The following OTOG variants were observed in gnomAD, a reference collection of about 807,000 sequenced individuals.
OTOG encodes otogelin.
A neutral mutation model predicts 313.8 loss-of-function variants in OTOG; 296 were observed. The observed-to-expected ratio is 0.94, with a 90% CI of 0.86 to 1.04. The LOEUF is 1.04. Among genes scored for constraint, OTOG ranks in the 50% least tolerant of loss-of-function variants. OTOG has a pLI of 0.00. For missense variants in OTOG, 3,948 were observed against 3,840.1 expected (o/e 1.03, Z -0.74); for synonymous variants, 1,533 against 1,554.9 (o/e 0.99, Z 0.33).
chr11:17,602,335 A>C lies in OTOG; in HGVS notation c.3835A>C (p.Ser1279Arg). 6.4e-7 allele frequency: 1 copy of C among 1,550,536 alleles called. No individual in the cohort carries two copies. Among genetic ancestry groups the C allele is most frequent in the Non-Finnish European group, 8.7e-7 (1 of 1,146,958 alleles). Residue 1279 changes from serine to arginine, a missense_variant, in exon 32 of 56, where the codon AGC becomes CGC. Physicochemically the swap from Ser to Arg is moderately radical, Grantham distance 110. Transcript: ENST00000399397. ...TEDVAPADIVSFLLTAALYKA... is the reference protein window; with the variant it reads ...TEDVAPADIVRFLLTAALYKA... ...GGATGTGGCGCCAGCAGACATTGTG[A>C]GCTTCCTGCTGACAGCTGCTCTGTA...
chr11:17,628,416 T>G (rs537499324), intron 39 of OTOG, among the ~76,000 whole-genome samples: 1 of 152,330 alleles, frequency 6.6e-6, no homozygotes, highest in African/African-American at 2.4e-5. Flanking sequence ...TATATTCCAT[T>G]TTTTTCAGTG....
chr11:17,586,130 T>G (rs746859141), intron 23 of OTOG, among the ~76,000 whole-genome samples: 1 of 151,864 alleles, frequency 6.6e-6, no homozygotes, highest in Non-Finnish European at 1.5e-5. Context: ...GGTAGGAGGG[T>G]CATCGCCCAT....
At chr11:17,644,578 A>G (rs940644767) in intron 54 of OTOG, among the ~76,000 whole-genome samples, 3 of 152,216 alleles carry the variant, frequency 2.0e-5, no homozygotes, top group African/African-American at 7.2e-5. Context: ...AAAAATATAT[A>G]CCAGGATGGA....
At chr11:17,554,972 G>T in intron 6 of OTOG, among the ~76,000 whole-genome samples, 1 of 152,186 alleles carries the variant, frequency 6.6e-6, no homozygotes, top group East Asian at 1.9e-4. Flanking sequence ...GGTCACAAAA[G>T]CTTGAAAACC....
rs1203478771 is a variant in OTOG, at chr11:17,560,720, G to C, written c.1354G>C (p.Glu452Gln). ...GCYCPNGLIF[E>Q]DGGCVAPAEC... ...TGCTGTCACTCTAGGGCTCATCTTC[G>C]AGGATGGGGGCTGCGTGGCACCAGC... The change falls in exon 13 of 56, where the codon GAG becomes CAG. Residue 452 changes from glutamate (E) to glutamine (Q), a missense_variant. By Grantham distance (29) the Glu-to-Gln change is conservative. Transcript: ENST00000399397. 5 of 1,550,522 alleles carry C rather than the reference G, an allele frequency of 3.2e-6. No individual in the cohort carries two copies. The highest frequency in any genetic ancestry group is 4.4e-6 in the Non-Finnish European group (5 of 1,146,912).
rs572714458 is a variant in OTOG at position 17,559,788 on chromosome 11, G to A, written c.1342+126G>A. ...GAAGGAAAGGAGGGAGGGAGGGAGG[G>A]AGGAAGGAAAAAAAGAAGGAAAGAA... On this transcript the variant is annotated intron_variant, in intron 12 of 55. Coordinates refer to ENST00000399397, the MANE Select transcript of OTOG (RefSeq NM_001292063.2). The A allele has an allele frequency of 5.3e-5, 14 of 262,734 alleles. 2 individuals are homozygous for A. Among genetic ancestry groups the A allele is most frequent in the East Asian group, 1.3e-4 (1 of 7,958 alleles). The allele number at this position is 262,734 out of a possible 1,614,324, so 16.3% of individuals were successfully genotyped here.
Position 17,609,974 on chromosome 11 carries a change from C to T in OTOG, c.4674C>T (p.Leu1558=). The T allele has an allele frequency of 6.5e-7, 1 of 1,543,146 alleles. No individual in the cohort carries two copies. The highest frequency in any genetic ancestry group is 8.8e-7 in the Non-Finnish European group (1 of 1,142,328). The change falls in exon 36 of 56, where the codon CTC becomes CTT. Residue 1558 remains leucine (L), a synonymous_variant. Coordinates refer to ENST00000399397, the MANE Select transcript of OTOG (RefSeq NM_001292063.2). ...CCAGCAAGGGAGTGACTGCCAGCCT[C>T]CTGGCCATCCCCCATACACCAGAGT... ...SPASKGVTAS[L]LAIPHTPESS...
At position 17,610,545 on chromosome 11, in the gene OTOG, C is replaced by A. The variant is rs917593759; in HGVS notation, c.5245C>A (p.Pro1749Thr). 1.3e-6 allele frequency: 2 copies of A among 1,550,472 alleles called. No individual in the cohort carries two copies. The highest frequency in any genetic ancestry group is 1.4e-5 in the African/African-American group (1 of 73,022). ...ACAGCCACACCCACTCCCCTCTGCA[C>A]CACCCCGCCCAGCCCAGCATACCAC... ...SPQPHPLPSA[P>T]PRPAQHTTMA... Residue 1749 changes from proline to threonine, a missense_variant, in exon 36 of 56, where the codon CCA becomes ACA. By Grantham distance (38) the Pro-to-Thr change is conservative. Transcript: ENST00000399397.
In OTOG at chr11:17,610,304, G is replaced by T; in HGVS notation, c.5004G>T (p.Leu1668=). 1 of 1,550,708 alleles carries T rather than the reference G, an allele frequency of 6.4e-7. No homozygotes were observed. The highest frequency in any genetic ancestry group is 2.0e-5 in the Admixed American group (1 of 51,000). Residue 1668 remains leucine, a synonymous_variant, in exon 36 of 56, where the codon CTG becomes CTT. Coordinates refer to ENST00000399397, the MANE Select transcript of OTOG (RefSeq NM_001292063.2). ...PTSSGSHKAV[L]TPAVTKVISR... ...CCTCGGGATCCCACAAGGCTGTGCT[G>T]ACACCTGCAGTAACTAAGGTCATAA...
Position 17,609,783 on chromosome 11 carries a change from C to A in OTOG, c.4483C>A (p.His1495Asn). The change falls in exon 36 of 56, where the codon CAC (histidine) becomes AAC (asparagine). Residue 1495 changes from histidine (H) to asparagine (N), a missense_variant. Transcript: ENST00000399397. ...LSQESPRTPT[H>N]RPALTPAAPL... ...ACAGGAAAGCCCCAGGACCCCCACCCACAGGCCAGCCCTCACCCCAGCTGC... is the reference window on the plus strand; with the variant it reads ...ACAGGAAAGCCCCAGGACCCCCACCAACAGGCCAGCCCTCACCCCAGCTGC... 2 of 1,548,716 alleles carry A rather than the reference C, an allele frequency of 1.3e-6. No homozygotes were observed. The highest frequency in any genetic ancestry group is 1.7e-6 in the Non-Finnish European group (2 of 1,146,058).
At chr11:17,553,588 C>A in intron 6 of OTOG, 69 bp downstream of exon 6, 1 of 1,292,902 alleles carries the variant, frequency 7.7e-7, no homozygotes, top group Non-Finnish European at 9.9e-7. Flanking sequence ...CTGGCCTGGG[C>A]TCTACTTGTC....
intron 31 of OTOG, among the ~76,000 whole-genome samples, chr11:17,600,992 G>A (rs1340154813): frequency 6.6e-6 from 1 of 152,230 alleles, no homozygotes; most frequent in Non-Finnish European, 1.5e-5. Flanking sequence ...CGCCTCTCTA[G>A]CACCTATTGT....
chr11:17,608,630 G>A (rs541336890), intron 34 of OTOG, among the ~76,000 whole-genome samples: 28 of 152,348 alleles, frequency 1.8e-4, no homozygotes, highest in African/African-American at 4.8e-4. Context: ...GTGTTTGTGC[G>A]TGTACTACTA....
Position 17,558,649 on chromosome 11 carries a change from G to T in OTOG, c.1103+5G>T. The T allele has an allele frequency of 1.3e-6, 2 of 1,548,850 alleles. No homozygotes were observed. The highest frequency in any genetic ancestry group is 1.7e-6 in the Non-Finnish European group (2 of 1,146,832). On this transcript the variant is annotated splice_donor_5th_base_variant and intron_variant, in intron 10 of 55. Coordinates refer to ENST00000399397, the MANE Select transcript of OTOG (RefSeq NM_001292063.2). ...TTGTACCAGTGATCTCTGCCAGTGA[G>T]TAGGGGTGGTGTGGGCTATGGGGAA... is the stretch of plus-strand genomic sequence containing the variant.
rs1853461776 is a variant in OTOG, at chr11:17,609,133, A to G, written c.4278A>G (p.Val1426=). 4.5e-6 allele frequency: 7 copies of G among 1,550,294 alleles called. No homozygotes were observed. The highest frequency in any genetic ancestry group is 6.1e-6 in the Non-Finnish European group (7 of 1,146,792). ...RAASCRDVPR[V]EGCVPVCPTP... Reference sequence around the variant, plus strand: ...CTGCTCCCTGCTCTGTCCTCAGGGTAGAAGGCTGTGTCCCTGTGTGCCCCA... The same window carrying G: ...CTGCTCCCTGCTCTGTCCTCAGGGTGGAAGGCTGTGTCCCTGTGTGCCCCA... The change falls in exon 35 of 56, where the codon GTA becomes GTG. Residue 1426 remains valine, a synonymous_variant. Coordinates refer to ENST00000399397, the MANE Select transcript of OTOG (RefSeq NM_001292063.2).
At chr11:17,612,093 C>T (rs1046057602) in intron 36 of OTOG, 69 bp from the exon 37 acceptor site, 13 of 1,517,624 alleles carry the variant, frequency 8.6e-6, no homozygotes, top group Admixed American at 2.0e-5. Context: ...GGATCTGGTG[C>T]CATCACAGCT....
chr11:17,560,677 G>A, intron 12 of OTOG, 32 bp from the exon 13 acceptor site: 1 of 1,491,326 alleles, frequency 6.7e-7, no homozygotes, highest in East Asian at 2.5e-5. Context: ...AGGGGCAAAG[G>A]TGAGTTAATT....
intron 4 of OTOG, 53 bp downstream of exon 4, chr11:17,552,128 A>G: frequency 6.6e-7 from 1 of 1,523,672 alleles, no homozygotes; most frequent in Non-Finnish European, 8.9e-7. Context: ...GAGCCCTGGC[A>G]GAGGCCTGAA....
chr11:17,552,279 G>A (rs1463741699), intron 4 of OTOG, among the ~76,000 whole-genome samples: 2 of 152,188 alleles, frequency 1.3e-5, no homozygotes, highest in African/African-American at 4.8e-5. Flanking sequence ...CCTCTCTAGA[G>A]TCCTGTTCCT....
Sources: allele counts gnomAD v4.1 joint callset (sites outside exome capture counted in the v4.1 genomes callset), GRCh38; gene constraint gnomAD v4.1.1; transcripts MANE v1.5; gene names NCBI Gene and HGNC (gene_info 2026-07-23, HGNC 2026-07-21).